Variants in FUT8 observed in about 807,000 individuals in gnomAD.
FUT8 encodes the protein alpha-(1,6)-fucosyltransferase.
Under a neutral mutation model 71.3 loss-of-function variants are expected in FUT8, and 29 were observed. That is an observed-to-expected ratio of 0.41 (90% CI 0.30 to 0.55). The LOEUF (loss-of-function observed/expected upper bound fraction) is 0.55, where lower values mean the gene tolerates loss of function less well. FUT8 is among the 20% of genes least tolerant of loss of function. The pLI is 0.34. For synonymous variants in FUT8, 254 were observed against 239.3 expected (o/e 1.06, Z -0.57); for missense variants, 544 against 702.1 (o/e 0.77, Z 2.55).
intron 5 of FUT8, among the ~76,000 whole-genome samples, chr14:65,628,473 G>C (rs946586479): frequency 1.3e-5 from 2 of 152,222 alleles, no homozygotes; most frequent in African/African-American, 4.8e-5. Context: ...TGTAATCCAG[G>C]TGAGAGAAGA....
chr14:65,423,537 C>G (rs1042823750), intron 1 of FUT8, among the ~76,000 whole-genome samples: 1 of 152,104 alleles, frequency 6.6e-6, no homozygotes, highest in Non-Finnish European at 1.5e-5. Flanking sequence ...GCTGGGATTA[C>G]AGGCGTGAGC....
intron 2 of FUT8, among the ~76,000 whole-genome samples, chr14:65,464,690 T>G (rs1226547170): frequency 6.6e-6 from 1 of 152,200 alleles, no homozygotes; most frequent in Non-Finnish European, 1.5e-5. Flanking sequence ...CTACCTTGCA[T>G]ACTTGGAATA....
the FUT8 span, among the ~76,000 whole-genome samples, chr14:65,358,911 T>A: frequency 6.6e-6 from 1 of 152,232 alleles, no homozygotes; most frequent in African/African-American, 2.4e-5. Context: ...CTTTAAATAC[T>A]TAACAGCATA....
intron 1 of FUT8, among the ~76,000 whole-genome samples, chr14:65,442,277 G>A (rs574052604): frequency 6.6e-6 from 1 of 151,822 alleles, no homozygotes; most frequent in South Asian, 2.1e-4. Flanking sequence ...CCGGGTTCAA[G>A]TGATTCTCCT....
chr14:65,568,330 T>G (rs1886303695), intron 3 of FUT8, among the ~76,000 whole-genome samples: 1 of 151,690 alleles, frequency 6.6e-6, no homozygotes, highest in African/African-American at 2.4e-5. Context: ...ATCAATTTAA[T>G]TTGCTTTTTC....
chr14:65,490,556 T>C (rs2066467479), intron 2 of FUT8, among the ~76,000 whole-genome samples: 2 of 152,142 alleles, frequency 1.3e-5, no homozygotes, highest in South Asian at 4.1e-4. Flanking sequence ...GTTAAAAAAA[T>C]ATATTTCTTC....
intron 9 of FUT8, 51 bp downstream of exon 9, chr14:65,724,374 A>G (rs768846947): frequency 8.7e-7 from 1 of 1,151,146 alleles, no homozygotes; most frequent in South Asian, 1.6e-5. Flanking sequence ...CTTTCAGTTT[A>G]AAAGAATTCT....
At chr14:65,664,230 A>G (rs1892101513) in intron 6 of FUT8, among the ~76,000 whole-genome samples, 1 of 152,126 alleles carries the variant, frequency 6.6e-6, no homozygotes, top group South Asian at 2.1e-4. Flanking sequence ...CTGAGTCAAT[A>G]ATAAACCTTT....
At chr14:65,560,473 G>A (rs922192531) in intron 2 of FUT8, among the ~76,000 whole-genome samples, 1 of 152,090 alleles carries the variant, frequency 6.6e-6, no homozygotes, top group African/African-American at 2.4e-5. Context: ...GAGTCACTGT[G>A]GCTGGCCTGT....
At chr14:65,566,222 T>C (rs1886187188) in intron 3 of FUT8, among the ~76,000 whole-genome samples, 1 of 151,964 alleles carries the variant, frequency 6.6e-6, no homozygotes, top group African/African-American at 2.4e-5. Flanking sequence ...CATGGTAGTG[T>C]TCCAAGAGGA....
At chr14:65,366,315 G>A in the FUT8 span, among the ~76,000 whole-genome samples, 1 of 152,208 alleles carries the variant, frequency 6.6e-6, no homozygotes, top group African/African-American at 2.4e-5. Context: ...ACTATAGACT[G>A]AGTAGTCAGG....
intron 10 of FUT8, among the ~76,000 whole-genome samples, chr14:65,735,347 G>T (rs909424527): frequency 1.1e-4 from 16 of 152,008 alleles, no homozygotes; most frequent in African/African-American, 3.9e-4. Flanking sequence ...GGAGAATATT[G>T]TTCTATTACT....
Position 65,629,599 on chromosome 14 carries a change from A to G in FUT8, c.590A>G (p.Tyr197Cys), listed in dbSNP as rs760098240. Reference protein sequence around the residue: ...LTELVQRRITYLQNPKDCSKA... With the variant: ...LTELVQRRITCLQNPKDCSKA... The stretch of plus-strand genomic sequence containing the variant: ...GAACTGGTTCAGCGGAGAATAACAT[A>G]TCTTCAGGTAAGAAGGTTGGGTTAA... Residue 197 changes from tyrosine to cysteine, a missense_variant, in exon 6 of 11, where the codon TAT becomes TGT. Tyr to Cys is a radical substitution (Grantham distance 194, BLOSUM62 -2). Coordinates refer to ENST00000673929, the MANE Select transcript of FUT8 (RefSeq NM_001371533.1). 3.7e-6 allele frequency: 6 copies of G among 1,607,428 alleles called. No homozygotes were observed. The highest frequency in any genetic ancestry group is 4.3e-6 in the Non-Finnish European group (5 of 1,174,042).
At chr14:65,458,743 A>T (rs1361824484) in intron 2 of FUT8, among the ~76,000 whole-genome samples, 1 of 151,658 alleles carries the variant, frequency 6.6e-6, no homozygotes, top group Non-Finnish European at 1.5e-5. Context: ...GTTCTCAGAA[A>T]ACATTTCTTT....
intron 2 of FUT8, among the ~76,000 whole-genome samples, chr14:65,478,904 C>T (rs1469190628): frequency 6.6e-6 from 1 of 152,148 alleles, no homozygotes; most frequent in African/African-American, 2.4e-5. Flanking sequence ...TCTGTTTTTG[C>T]TTTAAACAAC....
At chr14:65,447,640 G>T (rs993653081) in intron 1 of FUT8, among the ~76,000 whole-genome samples, 3 of 151,528 alleles carry the variant, frequency 2.0e-5, no homozygotes, top group Non-Finnish European at 2.9e-5. Flanking sequence ...TGTTTTTGGC[G>T]TGTTTAGTAG....
At chr14:65,708,632 G>C (rs1894671832) in intron 7 of FUT8, among the ~76,000 whole-genome samples, 1 of 151,884 alleles carries the variant, frequency 6.6e-6, no homozygotes, top group African/African-American at 2.4e-5. Context: ...TTTCCTTTTG[G>C]AATAGTTTGT....
chr14:65,731,253 A>G (rs570423699), intron 9 of FUT8, among the ~76,000 whole-genome samples: 51 of 152,352 alleles, frequency 3.3e-4, no homozygotes, highest in African/African-American at 1.2e-3. Flanking sequence ...GAAGGAGTTT[A>G]TGTACCAGGT....
the FUT8 span, among the ~76,000 whole-genome samples, chr14:65,389,217 CTTTT>C: frequency 4.6e-5 from 7 of 150,906 alleles, no homozygotes; most frequent in African/African-American, 1.5e-4. Flanking sequence ...TTTTTATTTT[CTTTT>C]TGAGACAAGG....
Sources: gnomAD v4.1 joint callset for allele counts (sites outside exome capture counted in the v4.1 genomes callset) on GRCh38, gnomAD v4.1.1 for gene constraint, MANE v1.5 for transcripts, NCBI Gene and HGNC (gene_info 2026-07-23, HGNC 2026-07-21) for gene names.